Variants in ZNF587B observed in about 807,000 individuals in gnomAD.
ZNF587B encodes zinc finger protein 587B.
A neutral mutation model predicts 7.2 loss-of-function variants in ZNF587B; 6 were observed. The ratio of observed to expected loss-of-function variants is 0.83; its 90% CI spans 0.46 to 1.65. The LOEUF (loss-of-function observed/expected upper bound fraction) is 1.65, where lower values mean the gene tolerates loss of function less well. Among genes scored for constraint, ZNF587B ranks in the 40% most tolerant of loss-of-function variants. The pLI, the probability that ZNF587B is intolerant of heterozygous loss-of-function variation, is 0.01. For synonymous variants in ZNF587B, 274 were observed against 254.3 expected (o/e 1.08, Z -0.74); for missense variants, 749 against 761.0 (o/e 0.98, Z 0.19).
chr19:57,842,759 C>T lies in ZNF587B; in HGVS notation c.*183C>T. On this transcript the variant is annotated 3_prime_UTR_variant, in exon 3 of 3. Coordinates refer to ENST00000594901, the MANE Select transcript of ZNF587B (RefSeq NM_001376223.1). The stretch of plus-strand genomic sequence containing the variant: ...TAAATTTGGCAGTTTTGTAGCCACA[C>T]CTCTGTATTCCTTCAGGATTATATT... 2 of 985,376 alleles carry T rather than the reference C, an allele frequency of 2.0e-6. No homozygotes were observed. Among genetic ancestry groups the T allele is most frequent in the Non-Finnish European group, 2.4e-6 (2 of 829,922 alleles). 61.0% of individuals were successfully genotyped at this position (985,376 alleles called of 1,614,324 possible). A position where few individuals can be genotyped will look rare whatever the true frequency, so the allele number is the denominator to read the frequency against.
rs1297626510 is a variant in ZNF587B, at chr19:57,843,957, C to G, written c.*1381C>G. Among the ~76,000 whole-genome samples the G allele has an allele frequency of 6.6e-6, 1 of 152,124 alleles. No homozygotes were observed. Among genetic ancestry groups the G allele is most frequent in the Non-Finnish European group, 1.5e-5 (1 of 68,024 alleles). ...AGAGACAGGGTCTTGCTGTGTTGCA[C>G]AGTCTGGTCTCAAACTGCTGGTCTC... On this transcript the variant is annotated 3_prime_UTR_variant, in exon 3 of 3. Coordinates refer to ENST00000594901, the MANE Select transcript of ZNF587B (RefSeq NM_001376223.1).
At chr19:57,832,332 G>A (rs185332981) in intron 1 of ZNF587B, among the ~76,000 whole-genome samples, 5 of 152,286 alleles carry the variant, frequency 3.3e-5, no homozygotes, top group African/African-American at 7.2e-5. Context: ...TGATCCGCCC[G>A]CCTTGGCCTC....
At position 57,842,977 on chromosome 19, in the gene ZNF587B, G is replaced by C. The variant is rs1169772312; in HGVS notation, c.*401G>C. On this transcript the variant is annotated 3_prime_UTR_variant, in exon 3 of 3. Coordinates refer to ENST00000594901, the MANE Select transcript of ZNF587B (RefSeq NM_001376223.1). The stretch of plus-strand genomic sequence containing the variant: ...AAAAACACTGTAGATGTATAGGTTA[G>C]ATATATAGGGAATGTTATTATTTTT... 1 of 984,972 alleles carries C rather than the reference G, an allele frequency of 1.0e-6. No individual in the cohort carries two copies. Among genetic ancestry groups the C allele is most frequent in the East Asian group, 1.1e-4 (1 of 8,824 alleles). 61.0% of individuals were successfully genotyped at this position (984,972 alleles called of 1,614,324 possible). A position where few individuals can be genotyped will look rare whatever the true frequency, so the allele number is the denominator to read the frequency against.
chr19:57,836,406 AT>A lies in ZNF587B; in HGVS notation c.37-2615del, dbSNP rs200675335. Among the ~76,000 whole-genome samples, 65 of 152,370 alleles carry A rather than the reference AT, an allele frequency of 4.3e-4. 1 individual carries two copies. The East Asian group carries it at 0.012, about 27-fold the overall frequency. ...GCTACGATGTAGTGTAAGGCCAAAAATTAAGGCCCAGTGTGATTTGCCACCT... is the reference window on the plus strand; with the variant it reads ...GCTACGATGTAGTGTAAGGCCAAAAATAAGGCCCAGTGTGATTTGCCACCT... On this transcript the variant is annotated intron_variant, in intron 1 of 2. Coordinates refer to ENST00000594901, the MANE Select transcript of ZNF587B (RefSeq NM_001376223.1).
intron 1 of ZNF587B, among the ~76,000 whole-genome samples, chr19:57,838,437 C>A (rs1778181691): frequency 1.3e-5 from 2 of 152,000 alleles, no homozygotes. Context: ...CCCGTCTCTA[C>A]TAAAAATATA....
intron 1 of ZNF587B, among the ~76,000 whole-genome samples, chr19:57,832,635 A>G (rs1268127935): frequency 6.6e-6 from 1 of 152,216 alleles, no homozygotes; most frequent in East Asian, 1.9e-4. Flanking sequence ...GGCATTAAAC[A>G]GTTAGGTGTT....
rs1600112493 is a variant in ZNF587B, at chr19:57,845,496, G to A, written c.*2920G>A. On this transcript the variant is annotated 3_prime_UTR_variant, in exon 3 of 3. Coordinates refer to ENST00000594901, the MANE Select transcript of ZNF587B (RefSeq NM_001376223.1). ...TGTATTAACAGGAGGAACAGAATAG[G>A]GAAAAAGATCTCAGTTCAGTGATGT... is the stretch of plus-strand genomic sequence containing the variant. The A allele has an allele frequency of 6.6e-6, 1 of 152,076 alleles. No homozygotes were observed. The highest frequency in any genetic ancestry group is 1.9e-4 in the East Asian group (1 of 5,188). The allele number at this position is 152,076 out of a possible 1,614,324, so 9.4% of individuals were successfully genotyped here.
Position 57,841,791 on chromosome 19 carries a change from C to G in ZNF587B, c.1117C>G (p.Gln373Glu). ...FSRKPSLSYH[Q>E]RIHTEVRPYK... ...TCGGAAGCCCAGCCTTAGTTACCATCAGCGCATTCACACTGAAGTAAGACC... is the reference window on the plus strand; with the variant it reads ...TCGGAAGCCCAGCCTTAGTTACCATGAGCGCATTCACACTGAAGTAAGACC... Residue 373 changes from glutamine (Q) to glutamate (E), a missense_variant, in exon 3 of 3, where the codon CAG (glutamine) becomes GAG (glutamate). Transcript: ENST00000594901. 1.2e-6 allele frequency: 2 copies of G among 1,610,664 alleles called. No individual in the cohort carries two copies. Among genetic ancestry groups the G allele is most frequent in the Non-Finnish European group, 1.7e-6 (2 of 1,178,552 alleles).
At chr19:57,835,347 GT>G (rs1175090754) in intron 1 of ZNF587B, among the ~76,000 whole-genome samples, 1 of 126,896 alleles carries the variant, frequency 7.9e-6, no homozygotes, top group East Asian at 2.2e-4. Flanking sequence ...GACGCTGGGG[GT>G]TTTTTGTTTT....
chr19:57,836,297 C>T (rs1228076468), intron 1 of ZNF587B, among the ~76,000 whole-genome samples: 8 of 152,260 alleles, frequency 5.3e-5, no homozygotes, highest in African/African-American at 1.7e-4. Context: ...TTGAGACCAC[C>T]GCTCCTTTTA....
At position 57,842,102 on chromosome 19, in the gene ZNF587B, G is replaced by T; in HGVS notation, c.1428G>T (p.Lys476Asn). The change falls in exon 3 of 3, where the codon AAG (lysine) becomes AAT (asparagine). Residue 476 changes from lysine to asparagine, a missense_variant. Lys to Asn is a moderately conservative substitution (Grantham distance 94). Around this residue, in one of 3 missense-constraint regions of ZNF587B, gnomAD observed 656 missense variants for 596.5 expected, o/e 1.10. Coordinates refer to ENST00000594901, the MANE Select transcript of ZNF587B (RefSeq NM_001376223.1). ...GTTGGGAATGTGGAAAATTATTTAA[G>T]AAGAAGTCTCACCTCCTTGTACACC... Reference protein sequence around the residue: ...YMCWECGKLFKKKSHLLVHQR... With the variant: ...YMCWECGKLFNKKSHLLVHQR... The T allele has an allele frequency of 6.2e-7, 1 of 1,601,652 alleles. No homozygotes were observed. The highest frequency in any genetic ancestry group is 8.5e-7 in the Non-Finnish European group (1 of 1,173,396).
In ZNF587B at chr19:57,830,338, G is replaced by T. The variant is rs1988321656; in HGVS notation, c.-191G>T. ...TTATTTGTCGGAGAGGCTCCTGAGC[G>T]CTAGGTCGGCACTGCGGTGACTGAA... On this transcript the variant is annotated 5_prime_UTR_variant, in exon 1 of 3. Transcript: ENST00000594901. The T allele has an allele frequency of 1.8e-6, 1 of 568,226 alleles. No homozygotes were observed. Among genetic ancestry groups the T allele is most frequent in the Non-Finnish European group, 3.1e-6 (1 of 322,994 alleles). The allele number at this position is 568,226 out of a possible 1,614,324, so 35.2% of individuals were successfully genotyped here.
rs1484417104 is a variant in ZNF587B at position 57,845,847 on chromosome 19, T to G, written c.*3271T>G. On this transcript the variant is annotated 3_prime_UTR_variant, in exon 3 of 3. Transcript: ENST00000594901. ...CTCTAGGAAAAATAGCCAGGTATGGTGGCATGTACCTTAGTCTTAGTGATG... is the reference window on the plus strand; with the variant it reads ...CTCTAGGAAAAATAGCCAGGTATGGGGGCATGTACCTTAGTCTTAGTGATG... The G allele has an allele frequency of 6.6e-6, 1 of 152,128 alleles. No individual in the cohort carries two copies. Among genetic ancestry groups the G allele is most frequent in the Non-Finnish European group, 1.5e-5 (1 of 68,024 alleles). 9.4% of individuals were successfully genotyped at this position (152,128 alleles called of 1,614,324 possible).
intron 1 of ZNF587B, among the ~76,000 whole-genome samples, chr19:57,836,526 C>T (rs190901582): frequency 4.6e-5 from 7 of 151,380 alleles, no homozygotes; most frequent in South Asian, 2.1e-4. Flanking sequence ...TTTTTTCTCT[C>T]GTGTATGTAT....
chr19:57,830,581 C>A lies in ZNF587B; in HGVS notation c.36+17C>A. 1 of 1,549,962 alleles carries A rather than the reference C, an allele frequency of 6.5e-7. No homozygotes were observed. ...TCTGCTCAGGTAATTGTGGTGCCTT[C>A]CATGCCCTCAGGTCACCTCATCATC... On this transcript the variant is annotated intron_variant, in intron 1 of 2. Transcript: ENST00000594901.
rs186466135 is a variant in ZNF587B at position 57,831,480 on chromosome 19, C to A, written c.36+916C>A. Among the ~76,000 whole-genome samples, 158 of 152,228 alleles carry A rather than the reference C, an allele frequency of 1.0e-3. 5 individuals carry two copies. The East Asian group carries it at 0.02, about 19-fold the overall frequency. ...TGATCTCGGCTCACCGCAATCTCCGCCTCCTGGGTTCAAGCGATTCTCCTG... is the reference window on the plus strand; with the variant it reads ...TGATCTCGGCTCACCGCAATCTCCGACTCCTGGGTTCAAGCGATTCTCCTG... On this transcript the variant is annotated intron_variant, in intron 1 of 2. Transcript: ENST00000594901.
intron 1 of ZNF587B, among the ~76,000 whole-genome samples, chr19:57,838,220 T>C (rs1049770633): frequency 1.3e-5 from 2 of 150,398 alleles, no homozygotes; most frequent in Admixed American, 6.6e-5. Flanking sequence ...GGCAGGAGAA[T>C]CCTCAGGAGA....
Position 57,840,075 on chromosome 19 carries a change from C to CAA in ZNF587B, c.164-727_164-726dup, listed in dbSNP as rs774635301. On this transcript the variant is annotated intron_variant, in intron 2 of 2. Transcript: ENST00000594901. ...GGGCAACAGAGCGAGACTCTGTCTC[C>CAA]AAAAAAAAAAAAAAAAAAAAAAAAA... Among the ~76,000 whole-genome samples the CAA allele has an allele frequency of 8.4e-4, 68 of 81,110 alleles. 8 individuals are homozygous for CAA. The highest frequency in any genetic ancestry group is 1.9e-3 in the South Asian group (4 of 2,092). The allele number at this position is 81,110 out of a possible 152,430, so 53.2% of individuals were successfully genotyped here. A position where few individuals can be genotyped will look rare whatever the true frequency, so the allele number is the denominator to read the frequency against.
chr19:57,833,175 A>G (rs1988486962), intron 1 of ZNF587B, among the ~76,000 whole-genome samples: 1 of 151,314 alleles, frequency 6.6e-6, no homozygotes, highest in Non-Finnish European at 1.5e-5. Flanking sequence ...GATGCCATCC[A>G]TGAGCCAGGG....
Sources: gnomAD v4.1 joint callset for allele counts (sites outside exome capture counted in the v4.1 genomes callset) on GRCh38, gnomAD v4.1.1 for gene constraint, gnomAD v4.1.1 regional missense constraint, MANE v1.5 for transcripts, NCBI Gene and HGNC (gene_info 2026-07-23, HGNC 2026-07-21) for gene names.